BRPF3: variants seen among roughly 807,000 people sequenced by gnomAD.
The protein encoded by BRPF3 is bromodomain and PHD finger-containing protein 3.
In BRPF3, 18 loss-of-function variants were observed where a neutral mutation model predicts 102.0. That is an observed-to-expected ratio of 0.18 (90% CI 0.12 to 0.26). The LOEUF (loss-of-function observed/expected upper bound fraction) is 0.26, where lower values mean the gene tolerates loss of function less well. Ranked by LOEUF, BRPF3 falls within the 10% of genes least tolerant of loss-of-function variation. The pLI is 1.00. For missense variants in BRPF3, 1,147 were observed against 1,567.8 expected, an observed-to-expected ratio of 0.73 and a Z score of 4.53; for synonymous variants, 570 against 614.2, an observed-to-expected ratio of 0.93 and a Z score of 1.06.
intron 3 of BRPF3, among the ~76,000 whole-genome samples, chr6:36,206,582 T>A (rs1230684365): frequency 6.6e-6 from 1 of 152,158 alleles, no homozygotes; most frequent in Non-Finnish European, 1.5e-5. Flanking sequence ...AAGCAAAGAA[T>A]CACTAATTCT....
At position 36,211,392 on chromosome 6, in the gene BRPF3, C is replaced by T. The variant is rs1229758606; in HGVS notation, c.2314C>T (p.Arg772Cys). 13 of 1,614,038 alleles carry T rather than the reference C, an allele frequency of 8.1e-6. 1 individual carries two copies. The highest frequency in any genetic ancestry group is 1.6e-4 in the Middle Eastern group (1 of 6,084). ...CCGCACCCGTCGTGTCCGCCTGCTACGCCGGGAGATCAATGCCCTTCGGCA... is the reference window on the plus strand; with the variant it reads ...CCGCACCCGTCGTGTCCGCCTGCTATGCCGGGAGATCAATGCCCTTCGGCA... ...GARTRRVRLL[R>C]REINALRQKL... Residue 772 changes from arginine to cysteine, a missense_variant, in exon 7 of 13, where the codon CGC (arginine) becomes TGC (cysteine). Arg to Cys is a radical substitution (Grantham distance 180, BLOSUM62 -3). This residue lies in a region of BRPF3 where 379 missense variants were observed against 426.3 expected (regional missense o/e 0.89). Transcript: ENST00000357641.
chr6:36,203,634 C>T (rs1390696013), intron 2 of BRPF3, among the ~76,000 whole-genome samples: 1 of 152,166 alleles, frequency 6.6e-6, no homozygotes. Context: ...CAACGTCCTG[C>T]CCAACATGCC....
intron 9 of BRPF3, 131 bp downstream of exon 9, chr6:36,218,141 C>G: frequency 1.4e-6 from 1 of 725,940 alleles, no homozygotes; most frequent in East Asian, 2.9e-5. Context: ...TTCCTGAGGC[C>G]TCTTATCTGT....
chr6:36,218,256 G>A (rs777464912), intron 9 of BRPF3, among the ~76,000 whole-genome samples: 40 of 152,028 alleles, frequency 2.6e-4, no homozygotes, highest in Non-Finnish European at 4.6e-4. Context: ...GCTGAATTTG[G>A]ACTCTAGAGG....
rs1768070645 is a variant in BRPF3 at position 36,210,606 on chromosome 6, G to C, written c.2179+78G>C. On this transcript the variant is annotated intron_variant, in intron 6 of 12. Coordinates refer to ENST00000357641, the MANE Select transcript of BRPF3 (RefSeq NM_015695.3). This position sits in a 1 kb window ranked among gnomAD's most constrained non-coding sequence, Gnocchi z 4.7. ...CAGAGTCTACAGAGTGAGGGATCAG[G>C]GTGGTCCTTGGGGCTATAGGTAGAC... 2 of 1,399,572 alleles carry C rather than the reference G, an allele frequency of 1.4e-6. No individual in the cohort carries two copies. Among genetic ancestry groups the C allele is most frequent in the Admixed American group, 4.6e-5 (2 of 43,816 alleles). The allele number at this position is 1,399,572 out of a possible 1,614,324, so 86.7% of individuals were successfully genotyped here.
chr6:36,214,993 A>G (rs1768275254), intron 8 of BRPF3, among the ~76,000 whole-genome samples: 3 of 152,112 alleles, frequency 2.0e-5, no homozygotes, highest in Non-Finnish European at 4.4e-5. Flanking sequence ...TGGAGGTGGG[A>G]ACATGCCTGC....
At chr6:36,214,505 C>A in intron 8 of BRPF3, 119 bp downstream of exon 8, 1 of 1,219,090 alleles carries the variant, frequency 8.2e-7, no homozygotes, top group Non-Finnish European at 1.1e-6. Flanking sequence ...GCAATAGTAG[C>A]ATTGAGGGCA....
intron 11 of BRPF3, among the ~76,000 whole-genome samples, chr6:36,227,301 G>A (rs1051208090): frequency 6.6e-6 from 1 of 151,842 alleles, no homozygotes. Flanking sequence ...TGGAAAAATA[G>A]AGGCGAAAAA....
At chr6:36,207,179 G>GT in intron 3 of BRPF3, 134 bp from the exon 4 acceptor site, 1 of 1,140,426 alleles carries the variant, frequency 8.8e-7, no homozygotes, top group Non-Finnish European at 1.3e-6. Flanking sequence ...GTAGAGAGGG[G>GT]TGGAAGGGCT....
In BRPF3 at chr6:36,196,776, C is replaced by A; in HGVS notation, c.-221C>A. The A allele has an allele frequency of 6.5e-6, 1 of 153,600 alleles. No individual in the cohort carries two copies. Among genetic ancestry groups the A allele is most frequent in the Non-Finnish European group, 1.4e-5 (1 of 69,378 alleles). The allele number at this position is 153,600 out of a possible 1,614,324, so 9.5% of individuals were successfully genotyped here. A position where few individuals can be genotyped will look rare whatever the true frequency, so the allele number is the denominator to read the frequency against. ...CAGCGGCAGCAGCGGCGGCTCCATT[C>A]CCCCTCCTCCCCCGGGAGCGGCGGC... On this transcript the variant is annotated 5_prime_UTR_variant, in exon 1 of 13. Coordinates refer to ENST00000357641, the MANE Select transcript of BRPF3 (RefSeq NM_015695.3).
Position 36,230,523 on chromosome 6 carries a change from T to A in BRPF3, c.3532T>A (p.Ser1178Thr), listed in dbSNP as rs1432364813. The change falls in exon 13 of 13, where the codon TCA becomes ACA. Residue 1178 changes from serine (S) to threonine (T), a missense_variant. Physicochemically the swap from Ser to Thr is moderately conservative, Grantham distance 58. Coordinates refer to ENST00000357641, the MANE Select transcript of BRPF3 (RefSeq NM_015695.3). This position sits in a 1 kb window ranked among gnomAD's most constrained non-coding sequence, Gnocchi z 5.4. ...LEGRKTSIRKSVQVAYDRAMI... is the reference protein window; with the variant it reads ...LEGRKTSIRKTVQVAYDRAMI... ...AGGCCGCAAGACCAGCATCCGCAAG[T>A]CAGTGCAGGTGGCCTATGACCGTGC... 1.9e-6 allele frequency: 3 copies of A among 1,613,980 alleles called. No individual in the cohort carries two copies. In the African/African-American group the frequency reaches 4.0e-5, roughly 22 times the overall value.
At position 36,228,897 on chromosome 6, in the gene BRPF3, T is replaced by G; in HGVS notation, c.3280-5T>G. 1 of 1,613,900 alleles carries G rather than the reference T, an allele frequency of 6.2e-7. No individual in the cohort carries two copies. The highest frequency in any genetic ancestry group is 8.5e-7 in the Non-Finnish European group (1 of 1,179,872). Reference sequence around the variant, plus strand: ...CTGAGTGCCCATCTTCTATTCTGCCTCCAGATCATCGATCCCAAGATGCCC... The same window carrying G: ...CTGAGTGCCCATCTTCTATTCTGCCGCCAGATCATCGATCCCAAGATGCCC... On this transcript the variant is annotated splice_polypyrimidine_tract_variant and splice_region_variant and intron_variant, in intron 11 of 12. Transcript: ENST00000357641.
Position 36,201,556 on chromosome 6 carries a change from G to C in BRPF3, c.1234G>C (p.Gly412Arg). 6.2e-7 allele frequency: 1 copy of C among 1,614,098 alleles called. No individual in the cohort carries two copies. The highest frequency in any genetic ancestry group is 8.5e-7 in the Non-Finnish European group (1 of 1,179,980). Reference sequence around the variant, plus strand: ...CATCAGTGAGACTGGCGATGAGGAAGGGCTGAAGGAGGGTGATGGAGAGGA... The same window carrying C: ...CATCAGTGAGACTGGCGATGAGGAACGGCTGAAGGAGGGTGATGGAGAGGA... ...RSISETGDEEGLKEGDGEEEE... is the reference protein window; with the variant it reads ...RSISETGDEERLKEGDGEEEE... Residue 412 changes from glycine (G) to arginine (R), a missense_variant, in exon 2 of 13, where the codon GGG (glycine) becomes CGG (arginine). Physicochemically the swap from Gly to Arg is moderately radical, Grantham distance 125. Coordinates refer to ENST00000357641, the MANE Select transcript of BRPF3 (RefSeq NM_015695.3). The surrounding 1 kb of genome is among the most constrained non-coding windows in gnomAD (Gnocchi z 5.1).
chr6:36,213,735 C>T, intron 7 of BRPF3, 145 bp from the exon 8 acceptor site: 1 of 840,242 alleles, frequency 1.2e-6, no homozygotes. Context: ...CCTCCTTTCT[C>T]TTTGCTTCAG....
Position 36,210,720 on chromosome 6 carries a change from C to T in BRPF3, c.2179+192C>T, listed in dbSNP as rs9470230. Among the ~76,000 whole-genome samples the T allele has an allele frequency of 0.23, 34,372 of 152,106 alleles. 4,067 individuals carry two copies. Among genetic ancestry groups the T allele is most frequent in the African/African-American group, 0.29 (11,891 of 41,466 alleles). On this transcript the variant is annotated intron_variant, in intron 6 of 12. Coordinates refer to ENST00000357641, the MANE Select transcript of BRPF3 (RefSeq NM_015695.3). This position sits in a 1 kb window ranked among gnomAD's most constrained non-coding sequence, Gnocchi z 4.7. ...AGGGTTAAAGTTTAACTAATGTACTCTGCACTTCTTAAGTGGTAGAAAAGG... is the reference window on the plus strand; with the variant it reads ...AGGGTTAAAGTTTAACTAATGTACTTTGCACTTCTTAAGTGGTAGAAAAGG...
intron 8 of BRPF3, among the ~76,000 whole-genome samples, chr6:36,217,705 T>C (rs1768378138): frequency 6.6e-6 from 1 of 152,192 alleles, no homozygotes; most frequent in African/African-American, 2.4e-5. Flanking sequence ...GAAATTGCAG[T>C]GTCTGCTCCT....
At position 36,200,093 on chromosome 6, in the gene BRPF3, AG is replaced by A. The variant is rs905235201; in HGVS notation, c.-26-203del. Among the ~76,000 whole-genome samples the A allele has an allele frequency of 6.6e-6, 1 of 152,234 alleles. No individual in the cohort carries two copies. The highest frequency in any genetic ancestry group is 1.5e-5 in the Non-Finnish European group (1 of 68,034). On this transcript the variant is annotated intron_variant, in intron 1 of 12. Transcript: ENST00000357641. This position sits in a 1 kb window ranked among gnomAD's most constrained non-coding sequence, Gnocchi z 5.3. ...TTGCAATTTTAGATAAAGTGGTCAG[AG>A]AAGGTCTCACTGAGAAGTGTTGTTC... is the stretch of plus-strand genomic sequence containing the variant.
chr6:36,197,697 T>G (rs1767553643), intron 1 of BRPF3: 1 of 151,662 alleles, frequency 6.6e-6, no homozygotes. Context: ...TTTGGAGGTG[T>G]GTATGTGGGA....
rs775054984 is a variant in BRPF3 at position 36,211,525 on chromosome 6, C to T, written c.2447C>T (p.Ala816Val). The change falls in exon 7 of 13, where the codon GCC becomes GTC. Residue 816 changes from alanine to valine, a missense_variant. Transcript: ENST00000357641. ...PQGDAAVLEQ[A>V]LQEEPEDDGD... is the part of the protein sequence containing the mutation. ...GGGGATGCAGCTGTGCTGGAGCAGG[C>T]CTTGCAGGAGGAGCCAGAAGACGAT... 5.1e-6 allele frequency: 8 copies of T among 1,557,518 alleles called. No individual in the cohort carries two copies. The South Asian group carries it at 7.1e-5, about 14-fold the overall frequency.
Sources: gnomAD v4.1 joint callset for allele counts (sites outside exome capture counted in the v4.1 genomes callset) on GRCh38, gnomAD v4.1.1 for gene constraint, gnomAD v4.1.1 regional missense constraint, Gnocchi (gnomAD v3.1) non-coding constraint, MANE v1.5 for transcripts, NCBI Gene and HGNC (gene_info 2026-07-23, HGNC 2026-07-21) for gene names.